The following NELL1 variants were observed in gnomAD, a reference collection of about 807,000 sequenced individuals.
NELL1 encodes neural EGFL like 1.
Under a neutral mutation model 107.4 loss-of-function variants are expected in NELL1, and 76 were observed. That is an observed-to-expected ratio of 0.71 (90% confidence interval 0.59 to 0.86). The LOEUF is 0.86. Ranked by LOEUF, NELL1 falls within the 40% of genes least tolerant of loss-of-function variation. The pLI, the probability that NELL1 is intolerant of heterozygous loss-of-function variation, is 0.00. For missense variants in NELL1, 1,024 were observed against 1,005.5 expected (o/e 1.02, Z -0.25); for synonymous variants, 353 against 341.2 (o/e 1.03, Z -0.38).
chr11:21,346,160 C>T (rs1014852181), intron 14 of NELL1, among the ~76,000 whole-genome samples: 1 of 152,146 alleles, frequency 6.6e-6, no homozygotes, highest in Non-Finnish European at 1.5e-5. Context: ...TGTGAGGAAA[C>T]ATCTCTCTCT....
At chr11:21,445,815 T>C (rs1409286818) in intron 15 of NELL1, among the ~76,000 whole-genome samples, 1 of 152,236 alleles carries the variant, frequency 6.6e-6, no homozygotes, top group African/African-American at 2.4e-5. Context: ...TTTTGCAGGA[T>C]ATACTATTCT....
rs1248033243 is a variant in NELL1 at position 21,534,252 on chromosome 11, A to T, written c.1646-122A>T. ...GGATTTGCTTCTTCCAGTGACTTTC[A>T]TTGTAGGTGACTAAACAGTTTTAAT... On this transcript the variant is annotated intron_variant, in intron 15 of 19. Transcript: ENST00000357134. 11 of 1,095,978 alleles carry T rather than the reference A, an allele frequency of 1.0e-5. No individual in the cohort carries two copies. The highest frequency in any genetic ancestry group is 1.5e-5 in the Non-Finnish European group (11 of 738,420). The allele number at this position is 1,095,978 out of a possible 1,614,324, so 67.9% of individuals were successfully genotyped here.
intron 5 of NELL1, among the ~76,000 whole-genome samples, chr11:20,891,336 C>T (rs1259580523): frequency 1.3e-5 from 2 of 152,184 alleles, no homozygotes; most frequent in Non-Finnish European, 1.5e-5. Context: ...ACCACCAGGC[C>T]TGCCCTGCAA....
At chr11:20,721,268 G>A (rs1248376342) in intron 2 of NELL1, among the ~76,000 whole-genome samples, 1 of 138,754 alleles carries the variant, frequency 7.2e-6, no homozygotes, top group African/African-American at 2.7e-5. Flanking sequence ...TTGTTGTTGT[G>A]TTGTTATGGT....
chr11:21,015,606 T>C (rs1315492560), intron 12 of NELL1, among the ~76,000 whole-genome samples: 1 of 152,056 alleles, frequency 6.6e-6, no homozygotes, highest in Non-Finnish European at 1.5e-5. Flanking sequence ...TGTGGAAAGG[T>C]CAGCAGCTTC....
chr11:21,308,111 C>G (rs1251591583), intron 14 of NELL1, among the ~76,000 whole-genome samples: 1 of 152,004 alleles, frequency 6.6e-6, no homozygotes, highest in East Asian at 1.9e-4. Context: ...TAGCAAATTA[C>G]TCAACTGCTC....
intron 3 of NELL1, among the ~76,000 whole-genome samples, chr11:20,840,307 A>G (rs13377235): frequency 0.03 from 4,522 of 152,278 alleles, 84 homozygotes; most frequent in Middle Eastern, 0.054. Context: ...AAATCTGTAT[A>G]CCTGAAGTTA....
chr11:21,096,953 G>A (rs1854658528), intron 12 of NELL1, among the ~76,000 whole-genome samples: 1 of 152,016 alleles, frequency 6.6e-6, no homozygotes, highest in Admixed American at 6.6e-5. Context: ...CTGGGTTTGA[G>A]TAATCCTCCT....
At chr11:21,190,441 C>T (rs1488771133) in intron 13 of NELL1, among the ~76,000 whole-genome samples, 1 of 151,840 alleles carries the variant, frequency 6.6e-6, no homozygotes, top group Non-Finnish European at 1.5e-5. Flanking sequence ...CTTAGTCATC[C>T]AGACACTGGT....
At chr11:20,743,260 G>A (rs1855932454) in intron 2 of NELL1, among the ~76,000 whole-genome samples, 1 of 151,878 alleles carries the variant, frequency 6.6e-6, no homozygotes, top group Non-Finnish European at 1.5e-5. Flanking sequence ...AGACTGAGGT[G>A]GGACAATCCT....
In NELL1 at chr11:21,209,030, T is replaced by A. The variant is rs1017199452; in HGVS notation, c.1427-20302T>A. 1.8e-4 allele frequency among the ~76,000 whole-genome samples: 27 copies of A among 152,196 alleles called. No homozygotes were observed. In the South Asian group the frequency reaches 5.4e-3, roughly 30 times the overall value. Reference sequence around the variant, plus strand: ...AAGACCAGATAGCCCTCCCCAAAACTTTTGTCTAATACCCCCAGAACTGTA... The same window carrying A: ...AAGACCAGATAGCCCTCCCCAAAACATTTGTCTAATACCCCCAGAACTGTA... On this transcript the variant is annotated intron_variant, in intron 13 of 19. Coordinates refer to ENST00000357134, the MANE Select transcript of NELL1 (RefSeq NM_006157.5).
At chr11:21,280,950 A>C (rs929654341) in intron 14 of NELL1, among the ~76,000 whole-genome samples, 1 of 152,016 alleles carries the variant, frequency 6.6e-6, no homozygotes, top group Admixed American at 6.6e-5. Flanking sequence ...CCTGGAGAAC[A>C]GGCAACCTAT....
chr11:21,343,700 A>G (rs1423871137), intron 14 of NELL1, among the ~76,000 whole-genome samples: 1 of 152,222 alleles, frequency 6.6e-6, no homozygotes, highest in Admixed American at 6.5e-5. Context: ...CAAAGACAAT[A>G]TGTAAATTAA....
chr11:21,063,326 G>T (rs146480794), intron 12 of NELL1, among the ~76,000 whole-genome samples: 1 of 152,042 alleles, frequency 6.6e-6, no homozygotes, highest in African/African-American at 2.4e-5. Flanking sequence ...GCTGAGCTTC[G>T]GTGTCCAGAG....
At chr11:20,981,705 G>A (rs1356414811) in intron 12 of NELL1, among the ~76,000 whole-genome samples, 1 of 152,144 alleles carries the variant, frequency 6.6e-6, no homozygotes, top group Non-Finnish European at 1.5e-5. Context: ...ATATCAATAA[G>A]CTAAGAAAGT....
intron 4 of NELL1, among the ~76,000 whole-genome samples, chr11:20,878,619 C>T (rs1849351946): frequency 6.6e-6 from 1 of 152,164 alleles, no homozygotes; most frequent in Non-Finnish European, 1.5e-5. Flanking sequence ...AGGGTTATTA[C>T]ATTTCACTCA....
At chr11:21,343,281 G>T (rs1265339512) in intron 14 of NELL1, among the ~76,000 whole-genome samples, 2 of 151,716 alleles carry the variant, frequency 1.3e-5, no homozygotes, top group Admixed American at 6.6e-5. Flanking sequence ...TATGCAGGAT[G>T]CATTTTCACA....
At chr11:21,119,413 A>G (rs1319370143) in intron 13 of NELL1, among the ~76,000 whole-genome samples, 2 of 151,544 alleles carry the variant, frequency 1.3e-5, no homozygotes, top group East Asian at 1.9e-4. Context: ...GATTATATAT[A>G]TGGGATAATA....
intron 14 of NELL1, among the ~76,000 whole-genome samples, chr11:21,263,818 A>T (rs989596974): frequency 2.0e-5 from 3 of 151,900 alleles, no homozygotes; most frequent in Non-Finnish European, 4.4e-5. Context: ...GAAAGCAGTC[A>T]TCACTCCTTC....
Sources: gnomAD v4.1 joint callset for allele counts (sites outside exome capture counted in the v4.1 genomes callset) on GRCh38, gnomAD v4.1.1 for gene constraint, MANE v1.5 for transcripts, NCBI Gene and HGNC (gene_info 2026-07-23, HGNC 2026-07-21) for gene names.